The following GATAD2B variants were observed in gnomAD, a reference collection of about 807,000 sequenced individuals.
GATAD2B encodes transcriptional repressor p66-beta.
A neutral mutation model predicts 64.3 loss-of-function variants in GATAD2B; 8 were observed. The observed-to-expected ratio is 0.12, with a 90% CI of 0.07 to 0.22. The LOEUF is 0.22. Ranked by LOEUF, GATAD2B falls within the 10% of genes least tolerant of loss-of-function variation. The pLI is 1.00. For synonymous variants in GATAD2B, 281 were observed against 271.3 expected (o/e 1.04, Z -0.35); for missense variants, 453 against 752.0 (o/e 0.60, Z 4.65).
chr1:153,872,380 G>T (rs1298951422), intron 1 of GATAD2B, among the ~76,000 whole-genome samples: 1 of 149,194 alleles, frequency 6.7e-6, no homozygotes, highest in Non-Finnish European at 1.5e-5. Context: ...TGTGAACTCT[G>T]AAACCCTATC....
At chr1:153,900,373 T>G (rs1677728601) in intron 1 of GATAD2B, among the ~76,000 whole-genome samples, 1 of 151,694 alleles carries the variant, frequency 6.6e-6, no homozygotes, top group Non-Finnish European at 1.5e-5. Context: ...TGAGCCGAGA[T>G]CATGCCATTG....
chr1:153,888,269 T>C (rs978109022), intron 1 of GATAD2B, among the ~76,000 whole-genome samples: 1 of 152,032 alleles, frequency 6.6e-6, no homozygotes, highest in African/African-American at 2.4e-5. Flanking sequence ...CTGCCTATCC[T>C]TGGAAAAAAA....
At chr1:153,852,262 ATTCC>A (rs1230185791) in intron 1 of GATAD2B, 4 of 1,216,564 alleles carry the variant, frequency 3.3e-6, no homozygotes, top group African/African-American at 1.5e-5. Flanking sequence ...TCATCTAAAG[ATTCC>A]TTCATTTTCT....
rs1557776014 is a variant in GATAD2B at position 153,808,368 on chromosome 1, A to AGCTG, written c.*1808_*1809insCAGC. The AGCTG allele has an allele frequency of 6.6e-6, 1 of 152,662 alleles. No individual in the cohort carries two copies. The highest frequency in any genetic ancestry group is 2.4e-5 in the African/African-American group (1 of 41,468). 9.5% of individuals were successfully genotyped at this position (152,662 alleles called of 1,614,324 possible). A position where few individuals can be genotyped will look rare whatever the true frequency, so the allele number is the denominator to read the frequency against. On this transcript the variant is annotated 3_prime_UTR_variant, in exon 11 of 11. Transcript: ENST00000368655. ...CACTGGGGTGTGGGGAGTAGAGGCC[A>AGCTG]GAGTAGGGGAACTGAGCCTGATTTT... is the stretch of plus-strand genomic sequence containing the variant.
At chr1:153,891,497 G>A (rs927474697) in intron 1 of GATAD2B, among the ~76,000 whole-genome samples, 1 of 146,052 alleles carries the variant, frequency 6.8e-6, no homozygotes, top group African/African-American at 2.5e-5. Context: ...TTGAGCCCAG[G>A]AGGCAGAGTT....
In GATAD2B at chr1:153,811,268, G is replaced by A. The variant is rs941405616; in HGVS notation, c.1648+463C>T. On this transcript the variant is annotated intron_variant, in intron 10 of 10. Transcript: ENST00000368655. ...GGAAAAGGGGACTTCCTGAAATTTC[G>A]GTCCTACCAAGAATAATGAACATGC... Among the ~76,000 whole-genome samples, 6 of 152,154 alleles carry A rather than the reference G, an allele frequency of 3.9e-5. No individual in the cohort carries two copies. In the East Asian group the frequency reaches 5.8e-4, roughly 15 times the overall value.
intron 1 of GATAD2B, among the ~76,000 whole-genome samples, chr1:153,894,707 A>G (rs1677528684): frequency 6.8e-6 from 1 of 146,328 alleles, no homozygotes; most frequent in Non-Finnish European, 1.5e-5. Flanking sequence ...CTAAAAATAC[A>G]AAAAATTAGC....
intron 1 of GATAD2B, among the ~76,000 whole-genome samples, chr1:153,833,449 T>C (rs943482543): frequency 3.3e-5 from 5 of 152,274 alleles, no homozygotes; most frequent in Admixed American, 3.3e-4. Context: ...ATTAATGTTG[T>C]TTTCATGTGG....
chr1:153,902,732 A>G (rs1677817368), intron 1 of GATAD2B, among the ~76,000 whole-genome samples: 1 of 152,182 alleles, frequency 6.6e-6, no homozygotes, highest in South Asian at 2.1e-4. Flanking sequence ...TTAGGATTAC[A>G]TGTGTGAGCC....
intron 1 of GATAD2B, among the ~76,000 whole-genome samples, chr1:153,896,337 T>C (rs1470029409): frequency 6.6e-6 from 1 of 150,952 alleles, no homozygotes; most frequent in African/African-American, 2.4e-5. Flanking sequence ...AACAAATAGG[T>C]CAGATAAAGG....
chr1:153,818,766 G>C (rs1383437117), intron 4 of GATAD2B, 25 bp downstream of exon 4: 3 of 1,608,810 alleles, frequency 1.9e-6, no homozygotes, highest in Admixed American at 1.7e-5. Flanking sequence ...CTTTCCCTTA[G>C]TCCCTTATTT....
At chr1:153,836,324 C>T (rs1049591332) in intron 1 of GATAD2B, among the ~76,000 whole-genome samples, 2 of 148,598 alleles carry the variant, frequency 1.3e-5, no homozygotes, top group African/African-American at 5.0e-5. Flanking sequence ...GGCACAGCCT[C>T]GGCTCACTGC....
intron 1 of GATAD2B, among the ~76,000 whole-genome samples, chr1:153,859,897 C>A (rs1285833364): frequency 1.2e-4 from 9 of 77,870 alleles, no homozygotes; most frequent in Admixed American, 1.0e-3. Flanking sequence ...AAGGAATTTT[C>A]TTTTCTTTTC....
chr1:153,843,881 G>C (rs1675587468), intron 1 of GATAD2B, among the ~76,000 whole-genome samples: 1 of 150,548 alleles, frequency 6.6e-6, no homozygotes, highest in African/African-American at 2.4e-5. Context: ...ATGGACATCA[G>C]GCAACAATGG....
intron 1 of GATAD2B, among the ~76,000 whole-genome samples, chr1:153,853,779 G>A (rs1254406836): frequency 6.6e-6 from 1 of 152,104 alleles, no homozygotes; most frequent in African/African-American, 2.4e-5. Context: ...GTTGATTTTT[G>A]TGTACAGTAC....
At position 153,811,901 on chromosome 1, in the gene GATAD2B, C is replaced by T. The variant is rs1479582099; in HGVS notation, c.1531-53G>A. 13 of 1,363,954 alleles carry T rather than the reference C, an allele frequency of 9.5e-6. 1 individual carries two copies. In the Middle Eastern group the frequency reaches 6.3e-4, roughly 67 times the overall value. 84.5% of individuals were successfully genotyped at this position (1,363,954 alleles called of 1,614,324 possible). Reference sequence around the variant, plus strand: ...AACTTTGATATGATAGAATGTTAAGCGGGGGCAAAGATAAGGGAGTACAGA... The same window carrying T: ...AACTTTGATATGATAGAATGTTAAGTGGGGGCAAAGATAAGGGAGTACAGA... On this transcript the variant is annotated intron_variant, in intron 9 of 10. Transcript: ENST00000368655.
chr1:153,890,187 GAAA>G (rs1286344695), intron 1 of GATAD2B, among the ~76,000 whole-genome samples: 1 of 134,932 alleles, frequency 7.4e-6, no homozygotes, highest in Non-Finnish European at 1.6e-5. Context: ...AAAAAAAAAA[GAAA>G]AAAAAAGAAA....
intron 1 of GATAD2B, among the ~76,000 whole-genome samples, chr1:153,898,317 A>AG (rs1403840842): frequency 1.3e-5 from 2 of 150,342 alleles, no homozygotes; most frequent in African/African-American, 2.5e-5. Flanking sequence ...AAAAAAAAAA[A>AG]AAAAAAGAAA....
At chr1:153,859,907 CTTTTTTTTTTTTT>C (rs34557576) in intron 1 of GATAD2B, among the ~76,000 whole-genome samples, 4 of 60,876 alleles carry the variant, frequency 6.6e-5, no homozygotes, top group Non-Finnish European at 1.1e-4. Context: ...CTTTTCTTTT[CTTTTTTTTTTTTT>C]TTTTTTTTTT....
Sources: gnomAD v4.1 joint callset for allele counts (sites outside exome capture counted in the v4.1 genomes callset) on GRCh38, gnomAD v4.1.1 for gene constraint, MANE v1.5 for transcripts, NCBI Gene and HGNC (gene_info 2026-07-23, HGNC 2026-07-21) for gene names.